Variants in NMT2 observed in about 807,000 individuals in gnomAD.
NMT2 encodes N-myristoyltransferase 2, also known as glycylpeptide N-tetradecanoyltransferase 2.
In NMT2, 35 loss-of-function variants were observed where a neutral mutation model predicts 65.4. The observed-to-expected ratio is 0.54, with a 90% CI of 0.41 to 0.71. NMT2 has a LOEUF of 0.71. Among genes scored for constraint, NMT2 ranks in the 30% least tolerant of loss-of-function variants. The probability of loss-of-function intolerance (pLI) is 0.00; values close to 1 mark genes in which losing one functional copy is unlikely to be tolerated. For missense variants in NMT2, 489 were observed against 611.3 expected, an observed-to-expected ratio of 0.80 and a Z score of 2.11; for synonymous variants, 226 against 231.8, an observed-to-expected ratio of 0.98 and a Z score of 0.23.
chr10:15,164,861 A>G (rs1318306012), intron 1 of NMT2, among the ~76,000 whole-genome samples: 1 of 151,914 alleles, frequency 6.6e-6, no homozygotes, highest in Non-Finnish European at 1.5e-5. Flanking sequence ...GTAAAACCCC[A>G]TCTCTACTAA....
At chr10:15,123,826 A>G (rs1416114161) in intron 8 of NMT2, among the ~76,000 whole-genome samples, 1 of 152,210 alleles carries the variant, frequency 6.6e-6, no homozygotes, top group African/African-American at 2.4e-5. Context: ...CTCTACGTAG[A>G]TTGAAATCTG....
chr10:15,152,058 A>C (rs77952801), intron 1 of NMT2, among the ~76,000 whole-genome samples: 3,052 of 152,320 alleles, frequency 0.02, 90 homozygotes, highest in African/African-American at 0.067. Context: ...AGAAGTTGTA[A>C]TACTCAAACG....
At chr10:15,166,815 T>G (rs555198320) in intron 1 of NMT2, among the ~76,000 whole-genome samples, 1 of 152,172 alleles carries the variant, frequency 6.6e-6, no homozygotes, top group Non-Finnish European at 1.5e-5. Context: ...TTTAGCTTCT[T>G]GAAAGGTGTC....
chr10:15,150,151 C>A (rs1407507005), intron 1 of NMT2, among the ~76,000 whole-genome samples: 2 of 152,188 alleles, frequency 1.3e-5, no homozygotes, highest in Non-Finnish European at 2.9e-5. Flanking sequence ...AGGTTCATCA[C>A]ACTACCTGCT....
At chr10:15,130,397 C>T in intron 6 of NMT2, 85 bp from the exon 7 acceptor site, 1 of 1,016,380 alleles carries the variant, frequency 9.8e-7, no homozygotes, top group Non-Finnish European at 1.4e-6. Flanking sequence ...AAGATGATAC[C>T]CAGGAAATAT....
At chr10:15,165,240 A>C (rs953189474) in intron 1 of NMT2, among the ~76,000 whole-genome samples, 2 of 151,994 alleles carry the variant, frequency 1.3e-5, no homozygotes, top group Non-Finnish European at 2.9e-5. Context: ...AATCTTCAGT[A>C]ATCTGGACTA....
At chr10:15,116,190 C>A (rs946320300) in intron 9 of NMT2, among the ~76,000 whole-genome samples, 1 of 152,130 alleles carries the variant, frequency 6.6e-6, no homozygotes, top group African/African-American at 2.4e-5. Context: ...ATAAAACAAA[C>A]CTCAAGAGCC....
At chr10:15,137,070 C>A (rs1427764440) in intron 2 of NMT2, among the ~76,000 whole-genome samples, 2 of 152,120 alleles carry the variant, frequency 1.3e-5, no homozygotes, top group Admixed American at 6.5e-5. Flanking sequence ...AGGGTGGACA[C>A]CATTGAAAGG....
rs914161097 is a variant in NMT2 at position 15,133,084 on chromosome 10, G to A, written c.571C>T (p.Arg191Ter). 4 of 1,614,016 alleles carry A rather than the reference G, an allele frequency of 2.5e-6. No individual in the cohort carries two copies. Among genetic ancestry groups the A allele is most frequent in the East Asian group, 2.2e-5 (1 of 44,884 alleles). The change falls in exon 5 of 12, where the codon CGA becomes TGA. Residue 191 changes from arginine to a stop codon, truncating the protein, a stop_gained. Coordinates refer to ENST00000378165, the MANE Select transcript of NMT2 (RefSeq NM_004808.3). LOFTEE classifies it high-confidence loss of function. ...AGGAACTCGGGTGAATAGTCAAATC[G>A]GAACATATTGTCATCATCTTCTACG... ...NYVEDDDNMF[R>*]FDYSPEFLLW...
intron 1 of NMT2, among the ~76,000 whole-genome samples, chr10:15,160,242 A>G (rs187787356): frequency 7.7e-4 from 117 of 152,316 alleles, no homozygotes; most frequent in Non-Finnish European, 1.2e-3. Flanking sequence ...GCTGTGCACA[A>G]TAGCTGGATT....
chr10:15,111,098 T>C (rs1845497249), intron 10 of NMT2, among the ~76,000 whole-genome samples: 1 of 152,012 alleles, frequency 6.6e-6, no homozygotes, highest in Non-Finnish European at 1.5e-5. Context: ...AGCCTCGTTC[T>C]TGTTTTAGAA....
intron 8 of NMT2, among the ~76,000 whole-genome samples, chr10:15,123,302 T>C (rs1430705232): frequency 6.6e-6 from 1 of 151,868 alleles, no homozygotes; most frequent in Non-Finnish European, 1.5e-5. Context: ...ATCTCAGCAC[T>C]TTGGGAGGCT....
Position 15,112,775 on chromosome 10 carries a change from GA to G in NMT2, c.1338+20del. 1 of 1,596,740 alleles carries G rather than the reference GA, an allele frequency of 6.3e-7. No homozygotes were observed. Among genetic ancestry groups the G allele is most frequent in the Non-Finnish European group, 8.5e-7 (1 of 1,171,102 alleles). On this transcript the variant is annotated intron_variant, in intron 10 of 11. Coordinates refer to ENST00000378165, the MANE Select transcript of NMT2 (RefSeq NM_004808.3). ...AGACATTTGGAGAACCAAACGGCGT[GA>G]ACAGGAAGGAGTGGCTTACCGATTT...
At chr10:15,119,540 C>T in intron 8 of NMT2, 27 bp from the exon 9 acceptor site, 2 of 1,607,098 alleles carry the variant, frequency 1.2e-6, no homozygotes, top group Non-Finnish European at 1.7e-6. Flanking sequence ...CAAAACAAAT[C>T]CAGAAGTTCA....
intron 6 of NMT2, 44 bp downstream of exon 6, chr10:15,132,773 A>C: frequency 7.2e-7 from 1 of 1,387,848 alleles, no homozygotes; most frequent in Non-Finnish European, 1.0e-6. Flanking sequence ...TAATTCTTAG[A>C]AAATAAACAT....
chr10:15,127,896 TC>T (rs146158796), intron 8 of NMT2, among the ~76,000 whole-genome samples: 20,153 of 138,910 alleles, frequency 0.15, 2,058 homozygotes, highest in African/African-American at 0.37. Context: ...CAAGACTGTC[TC>T]CAAAAAAAAA....
At chr10:15,113,854 A>G (rs575680584) in intron 9 of NMT2, among the ~76,000 whole-genome samples, 3 of 152,322 alleles carry the variant, frequency 2.0e-5, no homozygotes, top group East Asian at 3.9e-4. Flanking sequence ...CATTCATTTC[A>G]TCATCACTGG....
chr10:15,111,509 CAAAAAAAAAAAA>C (rs58537120), intron 10 of NMT2, among the ~76,000 whole-genome samples: 4 of 52,804 alleles, frequency 7.6e-5, no homozygotes, highest in African/African-American at 2.7e-4. Context: ...AGACTCATCT[CAAAAAAAAAAAA>C]AAAAAAAAAA....
intron 1 of NMT2, among the ~76,000 whole-genome samples, chr10:15,143,380 A>G (rs533805040): frequency 1.4e-4 from 21 of 152,358 alleles, no homozygotes; most frequent in Non-Finnish European, 2.6e-4. Context: ...GGCTTTCCAG[A>G]AACCACTAGG....
Sources: gnomAD v4.1 joint callset for allele counts (sites outside exome capture counted in the v4.1 genomes callset) on GRCh38, gnomAD v4.1.1 for gene constraint, MANE v1.5 for transcripts, NCBI Gene and HGNC (gene_info 2026-07-23, HGNC 2026-07-21) for gene names.